Variants in SYBU observed in about 807,000 individuals in gnomAD.
The protein encoded by SYBU is syntabulin.
SYBU carries 21 observed loss-of-function variants against 35.9 expected under a neutral mutation model. The ratio of observed to expected loss-of-function variants is 0.58; its 90% CI spans 0.41 to 0.84. The LOEUF (loss-of-function observed/expected upper bound fraction) is 0.84. Among genes scored for constraint, SYBU ranks in the 40% least tolerant of loss-of-function variants. The pLI, the probability that SYBU is intolerant of heterozygous loss-of-function variation, is 0.00. For synonymous variants in SYBU, 319 were observed against 324.3 expected (o/e 0.98, Z 0.18); for missense variants, 768 against 848.2 (o/e 0.91, Z 1.17).
intron 1 of SYBU, among the ~76,000 whole-genome samples, chr8:109,666,204 C>G (rs886827404): frequency 3.3e-5 from 5 of 152,126 alleles, no homozygotes; most frequent in African/African-American, 1.2e-4. Context: ...TGGAAAATAT[C>G]GAACAACACA....
intron 1 of SYBU, among the ~76,000 whole-genome samples, chr8:109,661,184 G>C (rs28699554): frequency 0.011 from 1,740 of 152,294 alleles, 11 homozygotes; most frequent in Middle Eastern, 0.051. Context: ...AGCAAATGCT[G>C]GAATATGAGC....
chr8:109,584,629 G>T lies in SYBU; in HGVS notation c.530+1431C>A, dbSNP rs1823409082. On this transcript the variant is annotated intron_variant, in intron 4 of 6. Coordinates refer to ENST00000276646, the MANE Select transcript of SYBU (RefSeq NM_001099754.2). This position sits in a 1 kb window ranked among gnomAD's most constrained non-coding sequence, Gnocchi z 4.0. ...GGTGGGGGCTGGGGATAGAGCAATT[G>T]TGCTTTATTACTGCGGACTTCACTC... 6.6e-6 allele frequency among the ~76,000 whole-genome samples: 1 copy of T among 152,102 alleles called. No individual in the cohort carries two copies. The highest frequency in any genetic ancestry group is 2.1e-4 in the South Asian group (1 of 4,828).
chr8:109,610,255 C>T (rs1282742382), intron 3 of SYBU, among the ~76,000 whole-genome samples: 1 of 152,188 alleles, frequency 6.6e-6, no homozygotes, highest in Non-Finnish European at 1.5e-5. Flanking sequence ...AGCCATCTCC[C>T]CCACGTTAAA....
At chr8:109,689,264 G>A (rs1293837886) in intron 1 of SYBU, among the ~76,000 whole-genome samples, 3 of 152,062 alleles carry the variant, frequency 2.0e-5, no homozygotes, top group South Asian at 2.1e-4. Context: ...TCATATCAAA[G>A]CCAGAAAACT....
At chr8:109,644,604 C>A in intron 1 of SYBU, 32 bp downstream of exon 1, 1 of 1,543,828 alleles carries the variant, frequency 6.5e-7, no homozygotes, top group Non-Finnish European at 8.7e-7. Flanking sequence ...CTTCCCCGCC[C>A]TCCAGTGCCC....
intron 3 of SYBU, among the ~76,000 whole-genome samples, chr8:109,604,204 G>C (rs1046135365): frequency 6.0e-5 from 9 of 148,860 alleles, no homozygotes; most frequent in African/African-American, 2.0e-4. Flanking sequence ...CATAACAATA[G>C]AATTTAAAAA....
rs1001736534 is a variant in SYBU, at chr8:109,574,264, C to T, written c.*642G>A. On this transcript the variant is annotated 3_prime_UTR_variant, in exon 7 of 7. Coordinates refer to ENST00000276646, the MANE Select transcript of SYBU (RefSeq NM_001099754.2). The stretch of plus-strand genomic sequence containing the variant: ...TGCTGAAGTGTGTGGTTACAATTTC[C>T]AATAAAACACTATATATAATAAGCA... 6.6e-6 allele frequency: 1 copy of T among 152,460 alleles called. No individual in the cohort carries two copies. The highest frequency in any genetic ancestry group is 1.5e-5 in the Non-Finnish European group (1 of 68,002). The allele number at this position is 152,460 out of a possible 1,614,324, so 9.4% of individuals were successfully genotyped here. A position where few individuals can be genotyped will look rare whatever the true frequency, so the allele number is the denominator to read the frequency against.
At chr8:109,597,227 C>A (rs762529855) in intron 3 of SYBU, among the ~76,000 whole-genome samples, 1 of 152,164 alleles carries the variant, frequency 6.6e-6, no homozygotes, top group Non-Finnish European at 1.5e-5. Context: ...ACAACCTCAT[C>A]GAGGGAGAAA....
chr8:109,577,497 C>T (rs149613001), intron 6 of SYBU, among the ~76,000 whole-genome samples: 19 of 152,178 alleles, frequency 1.2e-4, no homozygotes, highest in African/African-American at 4.6e-4. Context: ...AATTGGTCCA[C>T]GGTTGTGACC....
chr8:109,657,759 C>T (rs1469872624), intron 1 of SYBU, among the ~76,000 whole-genome samples: 1 of 152,196 alleles, frequency 6.6e-6, no homozygotes, highest in African/African-American at 2.4e-5. Context: ...AACTGGGAAG[C>T]AACCACATGA....
At chr8:109,618,571 C>T (rs1471912926) in intron 3 of SYBU, among the ~76,000 whole-genome samples, 1 of 152,168 alleles carries the variant, frequency 6.6e-6, no homozygotes, top group African/African-American at 2.4e-5. Context: ...GTTAAAACAT[C>T]TGGCTTATAT....
chr8:109,676,049 T>C (rs369624008), intron 1 of SYBU, among the ~76,000 whole-genome samples: 2 of 152,188 alleles, frequency 1.3e-5, no homozygotes, highest in East Asian at 1.9e-4. Flanking sequence ...CACTTGATTA[T>C]CTCAACAGAT....
intron 1 of SYBU, among the ~76,000 whole-genome samples, chr8:109,671,166 T>G (rs1219588139): frequency 6.6e-6 from 1 of 152,076 alleles, no homozygotes; most frequent in Non-Finnish European, 1.5e-5. Context: ...GAATTCAAAT[T>G]TCCATGCAAA....
In SYBU at chr8:109,575,360, G is replaced by A; in HGVS notation, c.1538C>T (p.Pro513Leu). The change falls in exon 7 of 7, where the codon CCC becomes CTC. Residue 513 changes from proline (P) to leucine (L), a missense_variant. By Grantham distance (98) the Pro-to-Leu change is moderately conservative (BLOSUM62 -3). Coordinates refer to ENST00000276646, the MANE Select transcript of SYBU (RefSeq NM_001099754.2). ...IQSVLQKLQD[P>L]CPSSLASPDE... ...AGGGGACGCCAAGCTCGAGGGACAG[G>A]GGTCCTGGAGCTTCTGCAGCACACT... The A allele has an allele frequency of 6.2e-7, 1 of 1,614,124 alleles. No individual in the cohort carries two copies. Among genetic ancestry groups the A allele is most frequent in the Non-Finnish European group, 8.5e-7 (1 of 1,180,022 alleles).
upstream of SYBU, chr8:109,646,865 C>A (rs1158546661): frequency 2.0e-5 from 3 of 152,168 alleles, no homozygotes; most frequent in Non-Finnish European, 4.4e-5. Flanking sequence ...CAAGTAATAA[C>A]GGTCTTGAAT....
chr8:109,642,783 G>A lies in SYBU; in HGVS notation c.174C>T (p.Asn58=). 1 of 1,613,796 alleles carries A rather than the reference G, an allele frequency of 6.2e-7. No individual in the cohort carries two copies. Among genetic ancestry groups the A allele is most frequent in the Non-Finnish European group, 8.5e-7 (1 of 1,179,846 alleles). ...TCGCTGAGCGCCCAGAGCTGCTGGGGTTGAACTCTCTGCTCTCTTCCTCAG... is the reference window on the plus strand; with the variant it reads ...TCGCTGAGCGCCCAGAGCTGCTGGGATTGAACTCTCTGCTCTCTTCCTCAG... The part of the protein sequence containing the change: ...PFSEEESREF[N]PSSSGRSART... Residue 58 remains asparagine (N), a synonymous_variant, in exon 2 of 7, where the codon AAC becomes AAT. Transcript: ENST00000276646.
At chr8:109,648,061 A>T (rs1052963304), upstream of SYBU, 3 of 152,064 alleles carry the variant, frequency 2.0e-5, no homozygotes, top group African/African-American at 7.2e-5. Context: ...ATACAGCATA[A>T]TATGGTCTTC....
At chr8:109,600,926 G>A (rs1825451857) in intron 3 of SYBU, among the ~76,000 whole-genome samples, 1 of 152,126 alleles carries the variant, frequency 6.6e-6, no homozygotes, top group African/African-American at 2.4e-5. Flanking sequence ...CAGTACCCAC[G>A]GGATGTTGAC....
intron 3 of SYBU, among the ~76,000 whole-genome samples, chr8:109,592,898 G>A (rs1435757550): frequency 1.3e-5 from 2 of 152,174 alleles, no homozygotes; most frequent in Non-Finnish European, 2.9e-5. Flanking sequence ...CCTGTTTTAA[G>A]TGCAAAGATA....
Sources: gnomAD v4.1 joint callset for allele counts (sites outside exome capture counted in the v4.1 genomes callset) on GRCh38, gnomAD v4.1.1 for gene constraint, Gnocchi (gnomAD v3.1) non-coding constraint, MANE v1.5 for transcripts, NCBI Gene and HGNC (gene_info 2026-07-23, HGNC 2026-07-21) for gene names.